P2RY8: variants seen among roughly 807,000 people sequenced by gnomAD.
The protein encoded by P2RY8 is P2Y receptor family member 8, also known as S-geranylgeranyl-glutathione receptor P2RY8.
In P2RY8, 6 loss-of-function variants were observed where a neutral mutation model predicts 10.0. The ratio of observed to expected loss-of-function variants is 0.60; its 90% CI spans 0.33 to 1.19. P2RY8 has a LOEUF of 1.19. Among genes scored for constraint, P2RY8 ranks in the 50% most tolerant of loss-of-function variants. The pLI, the probability that P2RY8 is intolerant of heterozygous loss-of-function variation, is 0.04. For synonymous variants in P2RY8, 276 were observed against 252.5 expected (o/e 1.09, Z -0.88); for missense variants, 456 against 542.0 (o/e 0.84, Z 1.58).
chrX:1,524,804 CTCATCCA>C (rs1569538731), intron 1 of P2RY8, among the ~76,000 whole-genome samples: 12 of 31,676 alleles, frequency 3.8e-4, no homozygotes, highest in African/African-American at 9.3e-4. Context: ...CATCCATCCA[CTCATCCA>C]TCCATCCATC....
chrX:1,477,571 GCAT>G (rs2149382170), intron 1 of P2RY8, among the ~76,000 whole-genome samples: 1 of 152,092 alleles, frequency 6.6e-6, no homozygotes, highest in African/African-American at 2.4e-5. Context: ...ATTTATCTAT[GCAT>G]CAATTATTTA....
At chrX:1,509,095 CTATG>C (rs1242101407) in intron 1 of P2RY8, among the ~76,000 whole-genome samples, 5,594 of 135,808 alleles carry the variant, frequency 0.041, 128 homozygotes, top group Non-Finnish European at 0.058. Context: ...ATCTATGTAT[CTATG>C]TATCTATCTA....
At chrX:1,487,827 C>T (rs771182592) in intron 1 of P2RY8, among the ~76,000 whole-genome samples, 2 of 152,210 alleles carry the variant, frequency 1.3e-5, no homozygotes, top group African/African-American at 4.8e-5. Flanking sequence ...AAAAGAAGGC[C>T]GGGCCAGGCG....
At chrX:1,529,371 C>T (rs1351015677) in intron 1 of P2RY8, among the ~76,000 whole-genome samples, 1 of 152,136 alleles carries the variant, frequency 6.6e-6, no homozygotes, top group Non-Finnish European at 1.5e-5. Context: ...GCTTCTCCTT[C>T]CAGGTCTCTG....
chrX:1,485,449 G>A (rs1159787068), intron 1 of P2RY8, among the ~76,000 whole-genome samples: 2 of 151,898 alleles, frequency 1.3e-5, no homozygotes, highest in Non-Finnish European at 1.5e-5. Context: ...CCTTAATGAT[G>A]CCTTACTGTA....
At chrX:1,481,585 G>A (rs1381576918) in intron 1 of P2RY8, among the ~76,000 whole-genome samples, 1 of 151,754 alleles carries the variant, frequency 6.6e-6, no homozygotes, top group African/African-American at 2.4e-5. Flanking sequence ...TTGGGATTAG[G>A]AGAGTCCAGC....
At chrX:1,528,151 T>C (rs2092450884) in intron 1 of P2RY8, among the ~76,000 whole-genome samples, 1 of 152,220 alleles carries the variant, frequency 6.6e-6, no homozygotes, top group Non-Finnish European at 1.5e-5. Flanking sequence ...GTTTCCTGTG[T>C]TCATGCCAAG....
At chrX:1,504,870 C>T (rs1344746472) in intron 1 of P2RY8, among the ~76,000 whole-genome samples, 4 of 151,952 alleles carry the variant, frequency 2.6e-5, no homozygotes, top group South Asian at 4.2e-4. Context: ...TGGTGGCTCA[C>T]GCCTGTCATC....
chrX:1,519,613 C>A (rs2092376548), intron 1 of P2RY8, among the ~76,000 whole-genome samples: 1 of 151,694 alleles, frequency 6.6e-6, no homozygotes, highest in Non-Finnish European at 1.5e-5. Flanking sequence ...CCCCAATTAT[C>A]TTCTTGGCTC....
chrX:1,526,927 C>A (rs1425791908), intron 1 of P2RY8, among the ~76,000 whole-genome samples: 1 of 152,096 alleles, frequency 6.6e-6, no homozygotes, highest in Admixed American at 6.6e-5. Context: ...GAGTTTCACT[C>A]CTGTTGCCCA....
chrX:1,530,060 T>G (rs1374601399), intron 1 of P2RY8, among the ~76,000 whole-genome samples: 1 of 151,954 alleles, frequency 6.6e-6, no homozygotes, highest in Non-Finnish European at 1.5e-5. Context: ...GTATAGAGAA[T>G]CTCTCCTCTC....
At chrX:1,490,738 G>A (rs1413209355) in intron 1 of P2RY8, among the ~76,000 whole-genome samples, 1 of 149,404 alleles carries the variant, frequency 6.7e-6, no homozygotes, top group Non-Finnish European at 1.5e-5. Context: ...CCACAAATGT[G>A]GGGGGAATGA....
chrX:1,526,084 A>G (rs750575144), intron 1 of P2RY8, among the ~76,000 whole-genome samples: 1 of 151,950 alleles, frequency 6.6e-6, no homozygotes, highest in South Asian at 2.1e-4. Flanking sequence ...CTACTCAGTC[A>G]TCCATCCATT....
intron 1 of P2RY8, among the ~76,000 whole-genome samples, chrX:1,496,161 G>A (rs1377954114): frequency 2.0e-5 from 3 of 152,160 alleles, no homozygotes; most frequent in Non-Finnish European, 2.9e-5. Flanking sequence ...AGATGCTGCC[G>A]AAACCTAGGC....
chrX:1,486,691 C>T (rs28485295), intron 1 of P2RY8, among the ~76,000 whole-genome samples: 51,972 of 152,026 alleles, frequency 0.34, 9,411 homozygotes, highest in East Asian at 0.6. Flanking sequence ...CCCAGTTATT[C>T]GCTTTAAAAC....
chrX:1,509,091 GTATC>G (rs1318714328), intron 1 of P2RY8, among the ~76,000 whole-genome samples: 1 of 129,804 alleles, frequency 7.7e-6, no homozygotes. Flanking sequence ...ATCTATCTAT[GTATC>G]TATGTATCTA....
chrX:1,509,589 T>C (rs1327965932), intron 1 of P2RY8, among the ~76,000 whole-genome samples: 1 of 146,128 alleles, frequency 6.8e-6, no homozygotes, highest in East Asian at 2.0e-4. Flanking sequence ...CCATTCATTG[T>C]ATCTATCATG....
intron 1 of P2RY8, among the ~76,000 whole-genome samples, chrX:1,503,078 A>G (rs1204349315): frequency 1.3e-5 from 2 of 151,590 alleles, no homozygotes; most frequent in African/African-American, 4.9e-5. Flanking sequence ...ATCCAATGAC[A>G]GGTGCCCTGG....
chrX:1,473,887 G>T (rs1409877589), intron 1 of P2RY8, among the ~76,000 whole-genome samples: 1 of 150,914 alleles, frequency 6.6e-6, no homozygotes, highest in African/African-American at 2.4e-5. Context: ...TGGATGCATT[G>T]ATGGTTGATG....
Sources: allele counts gnomAD v4.1 joint callset (sites outside exome capture counted in the v4.1 genomes callset), GRCh38; gene constraint gnomAD v4.1.1; transcripts MANE v1.5; gene names NCBI Gene and HGNC (gene_info 2026-07-23, HGNC 2026-07-21).